Variants in CDH15 observed in about 807,000 individuals in gnomAD.
The protein encoded by CDH15 is cadherin-15.
A neutral mutation model predicts 69.4 loss-of-function variants in CDH15; 73 were observed. The observed-to-expected ratio is 1.05, with a 90% CI of 0.87 to 1.28. The LOEUF is 1.28. Among genes scored for constraint, CDH15 ranks in the 50% most tolerant of loss-of-function variants. CDH15 has a pLI of 0.00. For synonymous variants in CDH15, 624 were observed against 507.7 expected (o/e 1.23, Z -3.08); for missense variants, 1,343 against 1,133.6 (o/e 1.18, Z -2.65).
chr16:89,192,486 G>C, intron 11 of CDH15, 42 bp downstream of exon 11: 1 of 1,555,604 alleles, frequency 6.4e-7, no homozygotes, highest in Non-Finnish European at 8.6e-7. Flanking sequence ...TCGGACCCTC[G>C]GACCCTCCTC....
At position 89,193,883 on chromosome 16, in the gene CDH15, C is replaced by G. The variant is rs768788248; in HGVS notation, c.2121C>G (p.Ser707Arg). The change falls in exon 13 of 14, where the codon AGC becomes AGG. Residue 707 changes from serine to arginine, a missense_variant. Ser to Arg is a moderately radical substitution (Grantham distance 110). Coordinates refer to ENST00000289746, the MANE Select transcript of CDH15 (RefSeq NM_004933.3). ...HPQPPRVLPTSPLDIADFIND... is the reference protein window; with the variant it reads ...HPQPPRVLPTRPLDIADFIND... Reference sequence around the variant, plus strand: ...AGCCACCCCGAGTGCTGCCCACCAGCCCCCTGGACATCGCCGACTTCATCA... The same window carrying G: ...AGCCACCCCGAGTGCTGCCCACCAGGCCCCTGGACATCGCCGACTTCATCA... 6.8e-6 allele frequency: 11 copies of G among 1,612,020 alleles called. No individual in the cohort carries two copies. The highest frequency in any genetic ancestry group is 3.3e-5 in the Admixed American group (2 of 59,976).
rs750887359 is a variant in CDH15, at chr16:89,190,352, G to C, written c.1088G>C (p.Arg363Pro). ...LRAERGQAKVRVHVQDTNEPP... is the reference protein window; with the variant it reads ...LRAERGQAKVPVHVQDTNEPP... Reference sequence around the variant, plus strand: ...GCTGAGCGGGGCCAGGCCAAGGTCCGCGTGCATGTGCAGGACACCAACGAG... The same window carrying C: ...GCTGAGCGGGGCCAGGCCAAGGTCCCCGTGCATGTGCAGGACACCAACGAG... Residue 363 changes from arginine to proline, a missense_variant, in exon 8 of 14, where the codon CGC (arginine) becomes CCC (proline). By Grantham distance (103) the Arg-to-Pro change is moderately radical. Coordinates refer to ENST00000289746, the MANE Select transcript of CDH15 (RefSeq NM_004933.3). The C allele has an allele frequency of 3.1e-6, 5 of 1,612,752 alleles. No homozygotes were observed. The highest frequency in any genetic ancestry group is 1.1e-5 in the South Asian group (1 of 91,018).
intron 1 of CDH15, among the ~76,000 whole-genome samples, chr16:89,179,020 C>T (rs1040683662): frequency 2.0e-5 from 3 of 152,214 alleles, no homozygotes; most frequent in Admixed American, 6.5e-5. Context: ...GTGTCCCCGC[C>T]GGGTGAATCT....
intron 4 of CDH15, among the ~76,000 whole-genome samples, 174 bp from the exon 5 acceptor site, chr16:89,184,999 G>A (rs898667443): frequency 2.0e-5 from 3 of 152,236 alleles, no homozygotes; most frequent in East Asian, 1.9e-4. Context: ...GGGGGTTGCC[G>A]CATGCTGGCC....
rs1247084970 is a variant in CDH15 at position 89,193,948 on chromosome 16, G to A, written c.2151+35G>A. The A allele has an allele frequency of 3.1e-6, 5 of 1,606,246 alleles. 1 individual carries two copies. Among genetic ancestry groups the A allele is most frequent in the Admixed American group, 1.7e-5 (1 of 59,240 alleles). On this transcript the variant is annotated intron_variant, in intron 13 of 13. Coordinates refer to ENST00000289746, the MANE Select transcript of CDH15 (RefSeq NM_004933.3). ...CCTGGGGACACCCCAGTACACACAG[G>A]CACGCACAGGTGCACACACACATGC...
At chr16:89,171,979 T>C in intron 1 of CDH15, 106 bp downstream of exon 1, 1 of 1,266,670 alleles carries the variant, frequency 7.9e-7, no homozygotes, top group Non-Finnish European at 1.1e-6. Context: ...CTGGCCCTGG[T>C]CGCCTTTGGG....
Position 89,193,827 on chromosome 16 carries a change from A to C in CDH15, c.2065A>C (p.Arg689=). ...SLPLGPPPLR[R]DAPQGRLHPQ... ...GCCTCTGGGACCGCCGCCACTTCGC[A>C]GAGATGCCCCGCAGGGCCGCCTGCA... The change falls in exon 13 of 14, where the codon AGA becomes CGA. Residue 689 remains arginine (R), a synonymous_variant. Transcript: ENST00000289746. 1 of 1,610,508 alleles carries C rather than the reference A, an allele frequency of 6.2e-7. No homozygotes were observed. The highest frequency in any genetic ancestry group is 1.1e-5 in the South Asian group (1 of 91,002).
intron 11 of CDH15, 25 bp downstream of exon 11, chr16:89,192,469 T>TC: frequency 6.4e-7 from 1 of 1,563,346 alleles, no homozygotes. Flanking sequence ...CGCCTCCACC[T>TC]GGACCCTCGG....
chr16:89,182,027 C>T (rs575912572), intron 3 of CDH15, among the ~76,000 whole-genome samples: 2 of 151,644 alleles, frequency 1.3e-5, no homozygotes, highest in South Asian at 4.2e-4. Flanking sequence ...GCAGTGGGAG[C>T]AAGCCCTAGA....
chr16:89,194,399 C>T (rs771671064), intron 13 of CDH15, among the ~76,000 whole-genome samples: 4 of 152,232 alleles, frequency 2.6e-5, no homozygotes, highest in Non-Finnish European at 5.9e-5. Context: ...TCAGAGAAAG[C>T]CCCCAGCCAA....
Position 89,194,903 on chromosome 16 carries a change from C to G in CDH15, c.2193C>G (p.Tyr731Ter). Residue 731 changes from tyrosine (Y) to a stop codon, truncating the protein, a stop_gained, in exon 14 of 14, where the codon TAC becomes TAG. Coordinates refer to ENST00000289746, the MANE Select transcript of CDH15 (RefSeq NM_004933.3). LOFTEE classifies it low-confidence loss of function (END_TRUNC). The part of the protein sequence containing the change: ...AADSDPSVPP[Y>*]DTALIYDYEG... ...ATAGTGACCCCAGTGTGCCGCCTTA[C>G]GACACAGCCCTCATCTATGACTACG... 1.9e-6 allele frequency: 3 copies of G among 1,607,492 alleles called. No homozygotes were observed. The highest frequency in any genetic ancestry group is 2.5e-6 in the Non-Finnish European group (3 of 1,177,192).
chr16:89,194,874 G>T lies in CDH15; in HGVS notation c.2164G>T (p.Ala722Ser), dbSNP rs548907131. ...ADFINDGLEA[A>S]DSDPSVPPYD... Reference sequence around the variant, plus strand: ...GGCCTCTTTATAGGGCTTGGAGGCTGCAGATAGTGACCCCAGTGTGCCGCC... The same window carrying T: ...GGCCTCTTTATAGGGCTTGGAGGCTTCAGATAGTGACCCCAGTGTGCCGCC... Residue 722 changes from alanine (A) to serine (S), a missense_variant, in exon 14 of 14, where the codon GCA becomes TCA. By Grantham distance (99) the Ala-to-Ser change is moderately conservative. Coordinates refer to ENST00000289746, the MANE Select transcript of CDH15 (RefSeq NM_004933.3). 16 of 1,605,108 alleles carry T rather than the reference G, an allele frequency of 1.0e-5. No individual in the cohort carries two copies. The South Asian group carries it at 1.8e-4, about 18-fold the overall frequency.
chr16:89,183,964 G>T (rs1915430080), intron 4 of CDH15, among the ~76,000 whole-genome samples: 1 of 152,106 alleles, frequency 6.6e-6, no homozygotes. Flanking sequence ...CTGCTGAGGG[G>T]GCCATCTGGA....
chr16:89,177,424 T>G (rs72819358), intron 1 of CDH15, among the ~76,000 whole-genome samples: 7,127 of 152,098 alleles, frequency 0.047, 291 homozygotes, highest in East Asian at 0.17. Context: ...GGATGGTGAA[T>G]ATCTAGAACA....
chr16:89,182,895 CAGG>C (rs1275933586), intron 3 of CDH15: 1 of 152,180 alleles, frequency 6.6e-6, no homozygotes, highest in East Asian at 1.9e-4. Flanking sequence ...AATTAAACTT[CAGG>C]AGGAGGCCAG....
intron 1 of CDH15, among the ~76,000 whole-genome samples, chr16:89,172,445 G>A (rs575686957): frequency 7.9e-5 from 12 of 152,280 alleles, no homozygotes; most frequent in African/African-American, 2.4e-4. Context: ...CGCAACACAC[G>A]GCCTTGCAGA....
rs1200968830 is a variant in CDH15 at position 89,185,153 on chromosome 16, C to T, written c.503-20C>T. 16 of 1,578,664 alleles carry T rather than the reference C, an allele frequency of 1.0e-5. No individual in the cohort carries two copies. The highest frequency in any genetic ancestry group is 1.8e-5 in the Admixed American group (1 of 56,386). On this transcript the variant is annotated intron_variant, in intron 4 of 13. Coordinates refer to ENST00000289746, the MANE Select transcript of CDH15 (RefSeq NM_004933.3). ...TCGGCCCTGTGGACGTTGGCCCTCACGCCTCCCTGTGCTTCCCAGGCACCT... is the reference window on the plus strand; with the variant it reads ...TCGGCCCTGTGGACGTTGGCCCTCATGCCTCCCTGTGCTTCCCAGGCACCT...
chr16:89,180,069 G>C, intron 2 of CDH15, 131 bp from the exon 3 acceptor site: 1 of 1,001,032 alleles, frequency 1.0e-6, no homozygotes, highest in Non-Finnish European at 1.5e-6. Context: ...TTGGGTACCA[G>C]GATCCGTCCT....
Position 89,193,849 on chromosome 16 carries a change from T to C in CDH15, c.2087T>C (p.Leu696Pro), listed in dbSNP as rs767003535. Residue 696 changes from leucine to proline, a missense_variant, in exon 13 of 14, where the codon CTG (leucine) becomes CCG (proline). Physicochemically the swap from Leu to Pro is moderately conservative, Grantham distance 98 (BLOSUM62 -3). Transcript: ENST00000289746. ...PLRRDAPQGR[L>P]HPQPPRVLPT... The stretch of plus-strand genomic sequence containing the variant: ...CGCAGAGATGCCCCGCAGGGCCGCC[T>C]GCACCCCCAGCCACCCCGAGTGCTG... The C allele has an allele frequency of 5.8e-5, 94 of 1,611,548 alleles. No individual in the cohort carries two copies. Among genetic ancestry groups the C allele is most frequent in the Non-Finnish European group, 7.9e-5 (93 of 1,179,722 alleles).
Sources: allele counts gnomAD v4.1 joint callset (sites outside exome capture counted in the v4.1 genomes callset), GRCh38; gene constraint gnomAD v4.1.1; transcripts MANE v1.5; gene names NCBI Gene and HGNC (gene_info 2026-07-23, HGNC 2026-07-21).